Variants in MAP4K3 observed in about 807,000 individuals in gnomAD.
The protein encoded by MAP4K3 is mitogen-activated protein kinase kinase kinase kinase 3.
In MAP4K3, 94 loss-of-function variants were observed where a neutral mutation model predicts 143.5. The observed-to-expected ratio is 0.65, with a 90% CI of 0.55 to 0.78. MAP4K3 has a LOEUF of 0.78. Ranked by LOEUF, MAP4K3 falls within the 30% of genes least tolerant of loss-of-function variation. The probability of loss-of-function intolerance (pLI) is 0.00; values close to 1 mark genes in which losing one functional copy is unlikely to be tolerated. For synonymous variants in MAP4K3, 416 were observed against 347.2 expected (o/e 1.20, Z -2.20); for missense variants, 1,077 against 1,068.1 (o/e 1.01, Z -0.12).
intron 22 of MAP4K3, among the ~76,000 whole-genome samples, chr2:39,281,511 C>T (rs1219007195): frequency 2.6e-5 from 4 of 152,030 alleles, no homozygotes; most frequent in East Asian, 1.9e-4. Context: ...AAGACAGCTA[C>T]GGAAATTTCT....
At chr2:39,360,486 C>A (rs1486542740) in intron 2 of MAP4K3, among the ~76,000 whole-genome samples, 1 of 152,158 alleles carries the variant, frequency 6.6e-6, no homozygotes, top group Non-Finnish European at 1.5e-5. Context: ...CCAACCTCTG[C>A]CTGTTACCCA....
chr2:39,379,827 T>C (rs1666314040), intron 1 of MAP4K3: 1 of 168,498 alleles, frequency 5.9e-6, no homozygotes, highest in South Asian at 2.0e-4. Context: ...CTAGGATGAT[T>C]ATAACTGAGA....
intron 21 of MAP4K3, among the ~76,000 whole-genome samples, chr2:39,286,398 G>C (rs1681778361): frequency 6.6e-6 from 1 of 152,210 alleles, no homozygotes; most frequent in Non-Finnish European, 1.5e-5. Context: ...CGGCCCAGGG[G>C]TTAGGGACCC....
At chr2:39,401,360 T>C (rs1666947974) in intron 1 of MAP4K3, among the ~76,000 whole-genome samples, 1 of 152,116 alleles carries the variant, frequency 6.6e-6, no homozygotes, top group South Asian at 2.1e-4. Context: ...GGGTTGGGAA[T>C]AGTTCATGCT....
intron 1 of MAP4K3, among the ~76,000 whole-genome samples, chr2:39,435,110 T>A (rs1572523696): frequency 6.6e-6 from 1 of 152,140 alleles, no homozygotes; most frequent in African/African-American, 2.4e-5. Flanking sequence ...ATAAGCGAAC[T>A]CCCCCAACCA....
intron 2 of MAP4K3, among the ~76,000 whole-genome samples, chr2:39,374,533 T>TTTTTAG (rs1252756560): frequency 6.6e-6 from 1 of 151,596 alleles, no homozygotes; most frequent in African/African-American, 2.4e-5. Context: ...AATACAAAAA[T>TTTTTAG]TAGCCGGGCG....
chr2:39,332,703 T>A (rs6722096), intron 7 of MAP4K3, among the ~76,000 whole-genome samples: 1 of 151,948 alleles, frequency 6.6e-6, no homozygotes, highest in Non-Finnish European at 1.5e-5. Flanking sequence ...AAGCAATCAA[T>A]AGATAACTAA....
chr2:39,289,680 G>C (rs1391667971), intron 19 of MAP4K3, among the ~76,000 whole-genome samples: 1 of 152,160 alleles, frequency 6.6e-6, no homozygotes, highest in African/African-American at 2.4e-5. Flanking sequence ...TGCAGATTTT[G>C]AGAAAAACAA....
chr2:39,350,022 T>C (rs763915676), intron 3 of MAP4K3, among the ~76,000 whole-genome samples: 2 of 152,162 alleles, frequency 1.3e-5, no homozygotes, highest in South Asian at 2.1e-4. Context: ...AAAGCCTGGA[T>C]ACATTTTTGG....
intron 4 of MAP4K3, among the ~76,000 whole-genome samples, chr2:39,339,102 G>C (rs1665068220): frequency 6.6e-6 from 1 of 152,160 alleles, no homozygotes; most frequent in Non-Finnish European, 1.5e-5. Context: ...ACCTTGGCTA[G>C]ATAGTAAACT....
At chr2:39,414,895 G>T (rs570073026) in intron 1 of MAP4K3, among the ~76,000 whole-genome samples, 4 of 151,970 alleles carry the variant, frequency 2.6e-5, no homozygotes, top group African/African-American at 9.6e-5. Context: ...AAAAGAGTAT[G>T]TACCAATCTA....
intron 29 of MAP4K3, 35 bp downstream of exon 29, chr2:39,260,571 G>A (rs1387950299): frequency 1.3e-6 from 2 of 1,580,004 alleles, no homozygotes; most frequent in Admixed American, 1.7e-5. Flanking sequence ...ACCAGTATAT[G>A]TATTACCCTT....
intron 2 of MAP4K3, among the ~76,000 whole-genome samples, chr2:39,373,777 T>C (rs959846934): frequency 2.0e-5 from 3 of 152,190 alleles, no homozygotes; most frequent in Admixed American, 6.5e-5. Context: ...GAAGCATGGT[T>C]ACCATAGGCT....
At chr2:39,294,320 T>A (rs1573108087) in intron 16 of MAP4K3, 1 of 152,356 alleles carries the variant, frequency 6.6e-6, no homozygotes, top group East Asian at 1.9e-4. Context: ...ATATTTTAAT[T>A]AGCCTAGATT....
chr2:39,305,517 T>C (rs1176899332), intron 15 of MAP4K3, among the ~76,000 whole-genome samples: 1 of 152,228 alleles, frequency 6.6e-6, no homozygotes, highest in Non-Finnish European at 1.5e-5. Flanking sequence ...ATGCCTGGTA[T>C]ATAAAAACCT....
At chr2:39,398,210 A>G (rs1400168453) in intron 1 of MAP4K3, among the ~76,000 whole-genome samples, 1 of 152,218 alleles carries the variant, frequency 6.6e-6, no homozygotes, top group Non-Finnish European at 1.5e-5. Flanking sequence ...TTGCCTGTTA[A>G]TAGCAAAAGA....
At chr2:39,292,224 CAAT>C (rs1388489275) in intron 18 of MAP4K3, among the ~76,000 whole-genome samples, 2 of 152,140 alleles carry the variant, frequency 1.3e-5, no homozygotes, top group Non-Finnish European at 2.9e-5. Context: ...GATAAATCTA[CAAT>C]AAAAAATTAT....
At chr2:39,284,758 C>G (rs978337478) in intron 21 of MAP4K3, among the ~76,000 whole-genome samples, 2 of 151,674 alleles carry the variant, frequency 1.3e-5, no homozygotes, top group East Asian at 4.0e-4. Context: ...GCAGGAGAAT[C>G]ACTTGAACCC....
At chr2:39,386,175 G>A (rs911690187) in intron 1 of MAP4K3, among the ~76,000 whole-genome samples, 1 of 152,146 alleles carries the variant, frequency 6.6e-6, no homozygotes, top group African/African-American at 2.4e-5. Context: ...AGAGATACCA[G>A]AGATATACAT....
Sources: allele counts gnomAD v4.1 joint callset (sites outside exome capture counted in the v4.1 genomes callset), GRCh38; gene constraint gnomAD v4.1.1; transcripts MANE v1.5; gene names NCBI Gene and HGNC (gene_info 2026-07-23, HGNC 2026-07-21).